The following MYB variants were observed in gnomAD, a reference collection of about 807,000 sequenced individuals.
The protein encoded by MYB is transcriptional activator Myb.
In MYB, 28 loss-of-function variants were observed where a neutral mutation model predicts 92.9. That is an observed-to-expected ratio of 0.30 (90% CI 0.22 to 0.41). MYB has a LOEUF of 0.41. MYB is among the 10% of genes least tolerant of loss of function. MYB has a pLI of 1.00. For synonymous variants in MYB, 295 were observed against 329.1 expected, an observed-to-expected ratio of 0.90 and a Z score of 1.12; for missense variants, 679 against 929.3, an observed-to-expected ratio of 0.73 and a Z score of 3.50.
intron 15 of MYB, among the ~76,000 whole-genome samples, chr6:135,207,927 A>G (rs1462092839): frequency 4.0e-5 from 6 of 151,864 alleles, no homozygotes; most frequent in African/African-American, 1.2e-4. Flanking sequence ...GGGTTTCTCC[A>G]TGTTGGCTAG....
Position 135,201,634 on chromosome 6 carries a change from T to C in MYB, c.1951-5T>C, listed in dbSNP as rs749336994. On this transcript the variant is annotated splice_polypyrimidine_tract_variant and splice_region_variant and intron_variant, in intron 13 of 15. Coordinates refer to ENST00000341911, the MANE Select transcript of MYB (RefSeq NM_001130173.2). ...AACAACAAAGCACTTTCTATATGCTTTTAGGTGGAATCTCCAACTGATAAA... is the reference window on the plus strand; with the variant it reads ...AACAACAAAGCACTTTCTATATGCTCTTAGGTGGAATCTCCAACTGATAAA... The C allele has an allele frequency of 6.3e-7, 1 of 1,598,522 alleles. No homozygotes were observed. Among genetic ancestry groups the C allele is most frequent in the Admixed American group, 1.7e-5 (1 of 59,504 alleles).
chr6:135,203,553 T>C, intron 15 of MYB: 1 of 703,488 alleles, frequency 1.4e-6, no homozygotes, highest in Admixed American at 3.0e-5. Context: ...TCAGTGCAGA[T>C]TCCCCAAAGC....
At chr6:135,211,739 A>G (rs752219382) in intron 15 of MYB, among the ~76,000 whole-genome samples, 2 of 152,216 alleles carry the variant, frequency 1.3e-5, no homozygotes, top group African/African-American at 4.8e-5. Context: ...CCACATTTGC[A>G]ATTGTTAGTT....
chr6:135,187,743 T>G (rs1325516013), intron 2 of MYB, 91 bp from the exon 3 acceptor site: 1 of 767,772 alleles, frequency 1.3e-6, no homozygotes, highest in Non-Finnish European at 2.1e-6. Context: ...GAGAGACTTT[T>G]TATTCTAGAT....
At position 135,185,897 on chromosome 6, in the gene MYB, C is replaced by T. The variant is rs1233592768; in HGVS notation, c.24-6C>T. 2.4e-5 allele frequency: 38 copies of T among 1,608,580 alleles called. No individual in the cohort carries two copies. Among genetic ancestry groups the T allele is most frequent in the Admixed American group, 1.7e-5 (1 of 59,994 alleles). ...AGCCCACGTCTACCCATTCTTATTT[C>T]TGCAGCATATATAGCAGTGACGAGG... is the stretch of plus-strand genomic sequence containing the variant. On this transcript the variant is annotated splice_region_variant and splice_polypyrimidine_tract_variant and intron_variant, in intron 1 of 15. Transcript: ENST00000341911.
At position 135,192,525 on chromosome 6, in the gene MYB, C is replaced by T. The variant is rs542221917; in HGVS notation, c.729C>T (p.Asp243=). Residue 243 remains aspartate (D), a synonymous_variant, in exon 6 of 16, where the codon GAC becomes GAT. Coordinates refer to ENST00000341911, the MANE Select transcript of MYB (RefSeq NM_001130173.2). ...PATGQPTVNN[D]YSYYHISEAQ... ...CTGGCCAGCCCACTGTTAACAACGA[C>T]TATTCCTATTACCACATTTCTGAAG... The T allele has an allele frequency of 2.5e-6, 4 of 1,614,262 alleles. No individual in the cohort carries two copies. The African/African-American group carries it at 4.0e-5, about 16-fold the overall frequency.
intron 15 of MYB, among the ~76,000 whole-genome samples, chr6:135,213,369 A>G (rs1780006557): frequency 6.6e-6 from 1 of 152,236 alleles, no homozygotes; most frequent in Non-Finnish European, 1.5e-5. Flanking sequence ...AATTACAAAT[A>G]TATGGTACCT....
intron 8 of MYB, 52 bp from the exon 9 acceptor site, chr6:135,195,696 T>C (rs1268275534): frequency 6.3e-7 from 1 of 1,590,384 alleles, no homozygotes; most frequent in Non-Finnish European, 8.6e-7. Context: ...CTAAGTTCCT[T>C]CTCCCTTTCT....
intron 2 of MYB, 36 bp downstream of exon 2, chr6:135,186,056 T>C (rs750296623): frequency 1.3e-5 from 20 of 1,569,290 alleles, no homozygotes; most frequent in South Asian, 3.3e-5. Flanking sequence ...AGAAAATAGA[T>C]AGAGTGTATA....
chr6:135,200,156 C>A lies in MYB; in HGVS notation c.1781C>A (p.Ala594Glu). 6.2e-7 allele frequency: 1 copy of A among 1,614,176 alleles called. No homozygotes were observed. The highest frequency in any genetic ancestry group is 8.5e-7 in the Non-Finnish European group (1 of 1,180,026). ...SPRTPTPFKH[A>E]LAAQEIKYGP... ...AGAACTCCTACACCATTCAAACATG[C>A]ACTTGCAGCTCAAGAAATTAAATAC... Residue 594 changes from alanine to glutamate, a missense_variant, in exon 12 of 16, where the codon GCA becomes GAA. Ala to Glu is a moderately radical substitution (Grantham distance 107). Coordinates refer to ENST00000341911, the MANE Select transcript of MYB (RefSeq NM_001130173.2).
chr6:135,201,201 A>C (rs1393815801), intron 13 of MYB, among the ~76,000 whole-genome samples: 1 of 135,766 alleles, frequency 7.4e-6, no homozygotes, highest in African/African-American at 3.0e-5. Context: ...TTTTCATGTA[A>C]AGATAAGTAT....
chr6:135,200,002 GA>G, intron 11 of MYB, 82 bp from the exon 12 acceptor site: 1 of 1,074,736 alleles, frequency 9.3e-7, no homozygotes, highest in Non-Finnish European at 1.4e-6. Context: ...GTATTCAGTG[GA>G]AAAATGTTAA....
chr6:135,194,995 C>G (rs757181423), intron 8 of MYB: 3 of 1,340,060 alleles, frequency 2.2e-6, no homozygotes, highest in Non-Finnish European at 9.8e-7. Flanking sequence ...ACATCTTTAG[C>G]GACTGGGCAG....
In MYB at chr6:135,203,312, G is replaced by A. The variant is rs144655885; in HGVS notation, c.2157G>A (p.Ala719=). ...CAGTACCTAAAAACAGGTCCCTGGC[G>A]AGCCCCTTGCAGGTAATTACTATTC... The part of the protein sequence containing the change: ...AFTVPKNRSL[A]SPLQPCSSTW... The change falls in exon 15 of 16, where the codon GCG becomes GCA. Residue 719 remains alanine, a synonymous_variant. Transcript: ENST00000341911. The A allele has an allele frequency of 8.4e-5, 134 of 1,592,904 alleles. No individual in the cohort carries two copies. The highest frequency in any genetic ancestry group is 8.0e-5 in the Non-Finnish European group (93 of 1,161,026).
intron 15 of MYB, among the ~76,000 whole-genome samples, chr6:135,215,918 A>G (rs894397251): frequency 6.6e-6 from 1 of 152,108 alleles, no homozygotes; most frequent in African/African-American, 2.4e-5. Flanking sequence ...CTCATAAAGG[A>G]CACTGTAGGC....
chr6:135,197,697 C>T (rs1427819107), intron 10 of MYB, among the ~76,000 whole-genome samples: 2 of 152,080 alleles, frequency 1.3e-5, no homozygotes, highest in Non-Finnish European at 2.9e-5. Context: ...TATTCTTATG[C>T]GATTCACTGA....
At chr6:135,216,964 G>A (rs981301255) in intron 15 of MYB, among the ~76,000 whole-genome samples, 7 of 152,174 alleles carry the variant, frequency 4.6e-5, no homozygotes, top group African/African-American at 1.7e-4. Context: ...CCTGCCTCCC[G>A]AGGTGATGGT....
At chr6:135,201,874 T>G in intron 14 of MYB, 125 bp downstream of exon 14, 1 of 437,198 alleles carries the variant, frequency 2.3e-6, no homozygotes, top group South Asian at 9.1e-5. Context: ...TTCTAAATGT[T>G]CTCCTGCACA....
intron 1 of MYB, among the ~76,000 whole-genome samples, chr6:135,185,385 C>G (rs1245694380): frequency 6.6e-6 from 1 of 152,158 alleles, no homozygotes; most frequent in African/African-American, 2.4e-5. Context: ...CACTATAATT[C>G]TGTTTTGCGC....
Sources: allele counts gnomAD v4.1 joint callset (sites outside exome capture counted in the v4.1 genomes callset), GRCh38; gene constraint gnomAD v4.1.1; transcripts MANE v1.5; gene names NCBI Gene and HGNC (gene_info 2026-07-23, HGNC 2026-07-21).